Variants in USP40 observed in about 807,000 individuals in gnomAD.
USP40 encodes the protein ubiquitin carboxyl-terminal hydrolase 40.
Under a neutral mutation model 166.2 loss-of-function variants are expected in USP40, and 143 were observed. The ratio of observed to expected loss-of-function variants is 0.86; its 90% CI spans 0.75 to 0.99. USP40 has a LOEUF of 0.99. Ranked by LOEUF, USP40 falls within the 50% of genes least tolerant of loss-of-function variation. The probability of loss-of-function intolerance (pLI) is 0.00; values close to 1 mark genes in which losing one functional copy is unlikely to be tolerated. For missense variants in USP40, 1,444 were observed against 1,479.7 expected (o/e 0.98, Z 0.40); for synonymous variants, 498 against 524.0 (o/e 0.95, Z 0.68).
intron 8 of USP40, among the ~76,000 whole-genome samples, chr2:233,543,515 C>T (rs1575323640): frequency 6.6e-6 from 1 of 152,064 alleles, no homozygotes; most frequent in South Asian, 2.1e-4. Flanking sequence ...AACCTAACCG[C>T]CAATGCAATA....
At chr2:233,550,829 A>C (rs1299262232) in intron 7 of USP40, among the ~76,000 whole-genome samples, 1 of 152,214 alleles carries the variant, frequency 6.6e-6, no homozygotes, top group Non-Finnish European at 1.5e-5. Context: ...TAGACTAGTG[A>C]ATTTCCATTT....
chr2:233,540,429 C>T (rs183825562), intron 10 of USP40, among the ~76,000 whole-genome samples: 1 of 152,144 alleles, frequency 6.6e-6, no homozygotes, highest in Non-Finnish European at 1.5e-5. Flanking sequence ...GGGATGAACT[C>T]TGACATTTTT....
In USP40 at chr2:233,517,859, G is replaced by T. The variant is rs373185551; in HGVS notation, c.2383+1755C>A. On this transcript the variant is annotated intron_variant, in intron 18 of 31. Transcript: ENST00000678225. ...ATACCACTCAGCCATAAAAAGGAAT[G>T]AATTAATGGCATTTGCCGTGACCTA... Among the ~76,000 whole-genome samples, 153 of 151,264 alleles carry T rather than the reference G, an allele frequency of 1.0e-3. 1 individual carries two copies. The highest frequency in any genetic ancestry group is 3.4e-3 in the African/African-American group (141 of 41,158).
chr2:233,485,775 A>G lies in USP40; in HGVS notation c.3400T>C (p.Ser1134Pro). The change falls in exon 29 of 32, where the codon TCT becomes CCT. Residue 1134 changes from serine to proline, a missense_variant. Physicochemically the swap from Ser to Pro is moderately conservative, Grantham distance 74 (BLOSUM62 -1). Transcript: ENST00000678225. ...FPEKFEWLPI[S>P]SWNQQITKRK... ...CAGCCCCACAACTTTACCCAGCTAG[A>G]TATCGGAAGCCACTCGAACTTTTCG... 1.2e-6 allele frequency: 2 copies of G among 1,613,268 alleles called. No individual in the cohort carries two copies. Among genetic ancestry groups the G allele is most frequent in the Non-Finnish European group, 1.7e-6 (2 of 1,179,672 alleles).
chr2:233,484,484 T>C (rs1372398943), intron 30 of USP40, among the ~76,000 whole-genome samples: 2 of 151,866 alleles, frequency 1.3e-5, no homozygotes, highest in African/African-American at 4.8e-5. Flanking sequence ...CTTTTTTTTT[T>C]TTTCTTTTTT....
intron 3 of USP40, 94 bp downstream of exon 3, chr2:233,562,642 C>G (rs918508962): frequency 9.9e-6 from 9 of 908,646 alleles, no homozygotes; most frequent in African/African-American, 1.8e-5. Context: ...GTGCAGCGCA[C>G]CAGCATGGCA....
chr2:233,547,589 G>A (rs1252374363), intron 8 of USP40, among the ~76,000 whole-genome samples: 2 of 152,128 alleles, frequency 1.3e-5, no homozygotes, highest in Non-Finnish European at 1.5e-5. Context: ...CTAACATTAC[G>A]GTTTGTGACT....
chr2:233,517,813 T>C (rs1227513700), intron 18 of USP40, among the ~76,000 whole-genome samples: 1 of 151,732 alleles, frequency 6.6e-6, no homozygotes, highest in African/African-American at 2.4e-5. Context: ...TGTGTGTGTG[T>C]GTGTGTGTGT....
chr2:233,515,004 T>C (rs2067088747), intron 18 of USP40, among the ~76,000 whole-genome samples: 1 of 152,204 alleles, frequency 6.6e-6, no homozygotes, highest in Admixed American at 6.5e-5. Flanking sequence ...AACCACACAA[T>C]GTGTACTCTT....
chr2:233,497,938 G>GA (rs2065840401), intron 23 of USP40, among the ~76,000 whole-genome samples: 1 of 152,190 alleles, frequency 6.6e-6, no homozygotes, highest in South Asian at 2.1e-4. Context: ...GAAGACTGGG[G>GA]AAAGGGCGGC....
chr2:233,510,612 C>T (rs1047054630), intron 20 of USP40, among the ~76,000 whole-genome samples: 1 of 151,830 alleles, frequency 6.6e-6, no homozygotes, highest in African/African-American at 2.4e-5. Flanking sequence ...CCATGTTGGC[C>T]AGGCTGGTGT....
chr2:233,558,661 A>C (rs1559287170), intron 4 of USP40, among the ~76,000 whole-genome samples: 1 of 152,138 alleles, frequency 6.6e-6, no homozygotes. Flanking sequence ...TGGGGTGGTA[A>C]AAATTTTCTA....
At chr2:233,551,007 T>C (rs1247908202) in intron 7 of USP40, among the ~76,000 whole-genome samples, 2 of 152,232 alleles carry the variant, frequency 1.3e-5, no homozygotes, top group Non-Finnish European at 2.9e-5. Context: ...TAAAAAGAAC[T>C]GGGAATAAAT....
In USP40 at chr2:233,554,466, A is replaced by G; in HGVS notation, c.607T>C (p.Trp203Arg). Residue 203 changes from tryptophan to arginine, a missense_variant, in exon 6 of 32, where the codon TGG (tryptophan) becomes CGG (arginine). By Grantham distance (101) the Trp-to-Arg change is moderately radical. Transcript: ENST00000678225. ...ACTTCCTCTTCTACATACATGTTCCAGAGAGCATCTTCCAAACCGGATACA... is the reference window on the plus strand; with the variant it reads ...ACTTCCTCTTCTACATACATGTTCCGGAGAGCATCTTCCAAACCGGATACA... The part of the protein sequence containing the change: ...KNVSGLEDAL[W>R]NMYVEEEVFD... 6.2e-7 allele frequency: 1 copy of G among 1,613,340 alleles called. No homozygotes were observed. Among genetic ancestry groups the G allele is most frequent in the Non-Finnish European group, 8.5e-7 (1 of 1,179,662 alleles).
At chr2:233,478,063 C>T (rs1440606031) in intron 31 of USP40, among the ~76,000 whole-genome samples, 1 of 152,380 alleles carries the variant, frequency 6.6e-6, no homozygotes, top group Non-Finnish European at 1.5e-5. Context: ...GCACAGTCCC[C>T]GACAGAAAGC....
intron 18 of USP40, among the ~76,000 whole-genome samples, chr2:233,518,482 G>A (rs1449332305): frequency 1.3e-5 from 2 of 150,060 alleles, no homozygotes; most frequent in East Asian, 3.9e-4. Flanking sequence ...CAGAAAAATT[G>A]CTTGAGCCTG....
Position 233,556,946 on chromosome 2 carries a change from G to A in USP40, c.455C>T (p.Thr152Ile). 1 of 1,613,918 alleles carries A rather than the reference G, an allele frequency of 6.2e-7. No homozygotes were observed. Among genetic ancestry groups the A allele is most frequent in the South Asian group, 1.1e-5 (1 of 91,070 alleles). ...ACGATAGATGAGGTCATGACCGGAG[G>A]TCCCAACTAAAGAAGTTTCCAAAGC... ...FSALETSLVG[T>I]SGHDLIYRLY... The change falls in exon 5 of 32, where the codon ACC (threonine) becomes ATC (isoleucine). Residue 152 changes from threonine (T) to isoleucine (I), a missense_variant. Coordinates refer to ENST00000678225, the MANE Select transcript of USP40 (RefSeq NM_001365479.2).
intron 2 of USP40, among the ~76,000 whole-genome samples, chr2:233,564,414 C>T (rs1218479332): frequency 4.6e-5 from 7 of 152,050 alleles, no homozygotes; most frequent in African/African-American, 1.2e-4. Context: ...ACTGAGCTCA[C>T]GGGAACACAG....
At position 233,559,833 on chromosome 2, in the gene USP40, C is replaced by G; in HGVS notation, c.359G>C (p.Ser120Thr). 1 of 1,609,322 alleles carries G rather than the reference C, an allele frequency of 6.2e-7. No individual in the cohort carries two copies. The highest frequency in any genetic ancestry group is 1.1e-5 in the South Asian group (1 of 89,528). ...TACCTCATTACTGGTCCACCCAAAG[C>G]TGTCAGTGAGGTCTGCTGTGGATGC... is the stretch of plus-strand genomic sequence containing the variant. The part of the protein sequence containing the change: ...EAASTADLTD[S>T]FGWTSNEEMR... Residue 120 changes from serine (S) to threonine (T), a missense_variant, in exon 4 of 32, where the codon AGC becomes ACC. Ser to Thr is a moderately conservative substitution (Grantham distance 58, BLOSUM62 1). Transcript: ENST00000678225.
Sources: allele counts gnomAD v4.1 joint callset (sites outside exome capture counted in the v4.1 genomes callset), GRCh38; gene constraint gnomAD v4.1.1; transcripts MANE v1.5; gene names NCBI Gene and HGNC (gene_info 2026-07-23, HGNC 2026-07-21).